The following C1QTNF7 variants were observed in gnomAD, a reference collection of about 807,000 sequenced individuals.
The protein encoded by C1QTNF7 is C1q and TNF related 7.
A neutral mutation model predicts 19.6 loss-of-function variants in C1QTNF7; 15 were observed. The ratio of observed to expected loss-of-function variants is 0.76; its 90% confidence interval spans 0.51 to 1.18. The LOEUF (loss-of-function observed/expected upper bound fraction) is 1.18. Among genes scored for constraint, C1QTNF7 ranks in the 50% most tolerant of loss-of-function variants. The probability of loss-of-function intolerance (pLI) is 0.00; values close to 1 mark genes in which losing one functional copy is unlikely to be tolerated. For synonymous variants in C1QTNF7, 142 were observed against 137.5 expected, an observed-to-expected ratio of 1.03 and a Z score of -0.23; for missense variants, 324 against 359.7, an observed-to-expected ratio of 0.90 and a Z score of 0.80.
intron 1 of C1QTNF7, among the ~76,000 whole-genome samples, chr4:15,379,905 C>T (rs988445993): frequency 2.0e-5 from 3 of 152,180 alleles, no homozygotes; most frequent in Admixed American, 6.5e-5. Flanking sequence ...ATGGTGGGGA[C>T]ATGTTGAGTC....
chr4:15,428,068 G>A lies in C1QTNF7; in HGVS notation c.-47G>A. 1.0e-6 allele frequency: 1 copy of A among 985,376 alleles called. No individual in the cohort carries two copies. 61.0% of individuals were successfully genotyped at this position (985,376 alleles called of 1,614,324 possible). ...CATGAAAGATCCTCAGTCTCTTGTG[G>A]ATTTAGAATCCTGCAGCAGCCCACC... On this transcript the variant is annotated 5_prime_UTR_variant, in exon 1 of 3. Coordinates refer to ENST00000444304, the MANE Select transcript of C1QTNF7 (RefSeq NM_031911.5).
chr4:15,361,874 T>C (rs957683578), intron 1 of C1QTNF7, among the ~76,000 whole-genome samples: 8 of 152,290 alleles, frequency 5.3e-5, no homozygotes, highest in Non-Finnish European at 1.0e-4. Flanking sequence ...TCAGCCTTCT[T>C]CCACCAAGAA....
At chr4:15,423,060 T>G (rs1304889124), upstream of C1QTNF7, among the ~76,000 whole-genome samples, 1 of 152,250 alleles carries the variant, frequency 6.6e-6, no homozygotes, top group Non-Finnish European at 1.5e-5. Flanking sequence ...AACACTGGAT[T>G]GTCTTCTACA....
At chr4:15,354,278 G>A (rs1161726352) in intron 1 of C1QTNF7, among the ~76,000 whole-genome samples, 1 of 152,172 alleles carries the variant, frequency 6.6e-6, no homozygotes, top group Admixed American at 6.5e-5. Context: ...TGTTCTGGAA[G>A]GAAAGTAGTT....
intron 1 of C1QTNF7, among the ~76,000 whole-genome samples, chr4:15,390,860 G>C (rs1164376935): frequency 2.0e-5 from 3 of 151,814 alleles, no homozygotes; most frequent in Admixed American, 6.6e-5. Flanking sequence ...ATTGACGATG[G>C]GCACCTAATC....
chr4:15,372,141 G>A (rs1717757572), intron 1 of C1QTNF7, among the ~76,000 whole-genome samples: 2 of 152,132 alleles, frequency 1.3e-5, no homozygotes, highest in African/African-American at 4.8e-5. Flanking sequence ...ATAAGTATTC[G>A]TTCCCTTCTT....
chr4:15,445,795 G>C lies in C1QTNF7; in HGVS notation c.*2996G>C, dbSNP rs991456338. On this transcript the variant is annotated 3_prime_UTR_variant, in exon 3 of 3. Transcript: ENST00000444304. ...GTAAAGGCTGACTTGTAATGAATAT[G>C]TATTAAGCAATATTTATTGACTATA... 1.3e-5 allele frequency: 2 copies of C among 152,096 alleles called. No individual in the cohort carries two copies. The highest frequency in any genetic ancestry group is 2.9e-5 in the Non-Finnish European group (2 of 68,032). 9.4% of individuals were successfully genotyped at this position (152,096 alleles called of 1,614,324 possible).
chr4:15,430,698 CAA>C (rs1712265241), intron 1 of C1QTNF7, among the ~76,000 whole-genome samples: 4 of 152,012 alleles, frequency 2.6e-5, no homozygotes, highest in Admixed American at 2.6e-4. Context: ...TATTCCCAGT[CAA>C]AATAATCAAG....
intron 1 of C1QTNF7, among the ~76,000 whole-genome samples, chr4:15,400,618 T>C (rs10033082): frequency 0.87 from 131,865 of 152,212 alleles, 57,191 homozygotes; most frequent in East Asian, 0.98. Context: ...CTCTGATCCA[T>C]ACCTTCCAGC....
intron 1 of C1QTNF7, among the ~76,000 whole-genome samples, chr4:15,347,622 TGAGA>T (rs1401698824): frequency 6.6e-6 from 1 of 152,152 alleles, no homozygotes; most frequent in African/African-American, 2.4e-5. Flanking sequence ...AGCCCTGTAC[TGAGA>T]AAGAATCTGA....
chr4:15,363,051 T>C (rs1717398257), intron 1 of C1QTNF7, among the ~76,000 whole-genome samples: 1 of 152,168 alleles, frequency 6.6e-6, no homozygotes, highest in Admixed American at 6.5e-5. Context: ...TTTTGTACTT[T>C]TTTTTCTCCC....
chr4:15,396,336 C>G (rs963282973), intron 1 of C1QTNF7, among the ~76,000 whole-genome samples: 2 of 152,248 alleles, frequency 1.3e-5, no homozygotes, highest in East Asian at 3.9e-4. Context: ...ATGGGAGGGG[C>G]AGGGGGCAGA....
chr4:15,409,592 G>A (rs1215301782), intron 1 of C1QTNF7, among the ~76,000 whole-genome samples: 7 of 152,116 alleles, frequency 4.6e-5, no homozygotes, highest in Non-Finnish European at 7.4e-5. Context: ...AGATGCTGTT[G>A]GATCTCTTAA....
chr4:15,386,742 A>T (rs1421677336), intron 1 of C1QTNF7, among the ~76,000 whole-genome samples: 3 of 152,170 alleles, frequency 2.0e-5, no homozygotes, highest in African/African-American at 7.2e-5. Flanking sequence ...TCTAGGCAGG[A>T]AGAACAGTGT....
intron 1 of C1QTNF7, among the ~76,000 whole-genome samples, chr4:15,343,803 C>T (rs1239881826): frequency 6.6e-6 from 1 of 152,150 alleles, no homozygotes; most frequent in South Asian, 2.1e-4. Flanking sequence ...AGAATTGTGC[C>T]GACTACAATA....
In C1QTNF7 at chr4:15,443,819, G is replaced by A. The variant is rs1712885654; in HGVS notation, c.*1020G>A. ...CCTAATAGCTTTCTCATAAATATGGGCACCACTTTACATTGTGGTAAGACA... is the reference window on the plus strand; with the variant it reads ...CCTAATAGCTTTCTCATAAATATGGACACCACTTTACATTGTGGTAAGACA... On this transcript the variant is annotated 3_prime_UTR_variant, in exon 3 of 3. Transcript: ENST00000444304. 1 of 152,270 alleles carries A rather than the reference G, an allele frequency of 6.6e-6. No individual in the cohort carries two copies. Among genetic ancestry groups the A allele is most frequent in the East Asian group, 1.9e-4 (1 of 5,186 alleles). 9.4% of individuals were successfully genotyped at this position (152,270 alleles called of 1,614,324 possible). A position where few individuals can be genotyped will look rare whatever the true frequency, so the allele number is the denominator to read the frequency against.
At chr4:15,418,601 A>G (rs937214288) in intron 1 of C1QTNF7, among the ~76,000 whole-genome samples, 5 of 152,156 alleles carry the variant, frequency 3.3e-5, no homozygotes, top group Admixed American at 2.6e-4. Flanking sequence ...CCCAAACCAC[A>G]GTAGGCACTC....
chr4:15,412,700 G>A (rs1204184852), intron 1 of C1QTNF7, among the ~76,000 whole-genome samples: 1 of 152,164 alleles, frequency 6.6e-6, no homozygotes, highest in East Asian at 1.9e-4. Flanking sequence ...ACATCTCTGG[G>A]AGGCTATTGC....
At chr4:15,398,141 G>A (rs748324506) in intron 1 of C1QTNF7, among the ~76,000 whole-genome samples, 6 of 152,126 alleles carry the variant, frequency 3.9e-5, no homozygotes, top group Non-Finnish European at 7.3e-5. Context: ...GTCAGTTGCT[G>A]TGTTTGGCTC....
Sources: allele counts gnomAD v4.1 joint callset (sites outside exome capture counted in the v4.1 genomes callset), GRCh38; gene constraint gnomAD v4.1.1; transcripts MANE v1.5; gene names NCBI Gene and HGNC (gene_info 2026-07-23, HGNC 2026-07-21).